The following ATRNL1 variants were observed in gnomAD, a reference collection of about 807,000 sequenced individuals.
ATRNL1 encodes attractin like 1, also known as attractin-like protein 1.
Under a neutral mutation model 182.7 loss-of-function variants are expected in ATRNL1, and 95 were observed. The observed-to-expected ratio is 0.52, with a 90% CI of 0.44 to 0.62. ATRNL1 has a LOEUF of 0.62. ATRNL1 is among the 20% of genes least tolerant of loss of function. The pLI is 0.00. For missense variants in ATRNL1, 1,471 were observed against 1,679.5 expected, an observed-to-expected ratio of 0.88 and a Z score of 2.17; for synonymous variants, 576 against 568.3, an observed-to-expected ratio of 1.01 and a Z score of -0.19.
intron 27 of ATRNL1, among the ~76,000 whole-genome samples, chr10:115,837,861 AG>A (rs1950715293): frequency 6.6e-6 from 1 of 152,200 alleles, no homozygotes; most frequent in Admixed American, 6.5e-5. Flanking sequence ...ACAAAGTGGA[AG>A]GAAGGGAAAG....
intron 10 of ATRNL1, among the ~76,000 whole-genome samples, chr10:115,253,156 A>G (rs1310922043): frequency 6.6e-6 from 1 of 152,192 alleles, no homozygotes; most frequent in Non-Finnish European, 1.5e-5. Flanking sequence ...CTTACAATCA[A>G]TGCCTTTGCA....
intron 5 of ATRNL1, among the ~76,000 whole-genome samples, chr10:115,136,794 A>G (rs1354981486): frequency 1.3e-5 from 2 of 152,216 alleles, no homozygotes; most frequent in African/African-American, 4.8e-5. Flanking sequence ...TCAGCACTGA[A>G]TAATATTCCA....
At chr10:115,780,393 C>T (rs1440447094) in intron 27 of ATRNL1, among the ~76,000 whole-genome samples, 5 of 152,258 alleles carry the variant, frequency 3.3e-5, no homozygotes, top group Admixed American at 6.5e-5. Context: ...GCCGTGAGGA[C>T]GGCAACTCCT....
At chr10:115,678,972 C>T (rs750232624) in intron 26 of ATRNL1, among the ~76,000 whole-genome samples, 3 of 152,084 alleles carry the variant, frequency 2.0e-5, no homozygotes, top group Non-Finnish European at 4.4e-5. Flanking sequence ...ACAGTGTAAA[C>T]CCTCCATTCA....
At chr10:115,127,780 G>GT (rs1294683099) in intron 4 of ATRNL1, 59 bp downstream of exon 4, 424 of 1,201,464 alleles carry the variant, frequency 3.5e-4, no homozygotes, top group Non-Finnish European at 4.0e-4. Flanking sequence ...TGTAAAAGAG[G>GT]TTTTTTTTGT....
chr10:115,879,727 T>A (rs564619149), intron 28 of ATRNL1, among the ~76,000 whole-genome samples: 1 of 149,818 alleles, frequency 6.7e-6, no homozygotes, highest in Non-Finnish European at 1.5e-5. Flanking sequence ...TCACTGTGAG[T>A]TTTTTTTAAG....
chr10:115,544,678 C>T (rs1852545724), intron 25 of ATRNL1, among the ~76,000 whole-genome samples: 1 of 152,176 alleles, frequency 6.6e-6, no homozygotes, highest in African/African-American at 2.4e-5. Flanking sequence ...ACTGGGATTA[C>T]AATTCAACCT....
At chr10:115,237,580 G>GT (rs1554901758) in intron 9 of ATRNL1, among the ~76,000 whole-genome samples, 3 of 152,070 alleles carry the variant, frequency 2.0e-5, no homozygotes, top group African/African-American at 7.2e-5. Flanking sequence ...AATTGAGCTT[G>GT]TTTTTTATTG....
chr10:115,875,804 T>C (rs1555107099), intron 28 of ATRNL1, among the ~76,000 whole-genome samples: 2 of 152,146 alleles, frequency 1.3e-5, no homozygotes, highest in African/African-American at 4.8e-5. Flanking sequence ...TAGTTACAAA[T>C]TGTGATCATT....
chr10:115,625,004 A>G (rs543904760), intron 26 of ATRNL1, among the ~76,000 whole-genome samples: 1 of 152,294 alleles, frequency 6.6e-6, no homozygotes, highest in Non-Finnish European at 1.5e-5. Flanking sequence ...CAAAGCAGGT[A>G]TGGCCTTTAA....
At chr10:115,492,061 T>G (rs1410054471) in intron 24 of ATRNL1, among the ~76,000 whole-genome samples, 4 of 152,106 alleles carry the variant, frequency 2.6e-5, no homozygotes, top group African/African-American at 9.7e-5. Context: ...TCACCCTCTG[T>G]GGGCTGTACC....
chr10:115,824,521 A>C (rs1950380598), intron 27 of ATRNL1, among the ~76,000 whole-genome samples: 1 of 152,154 alleles, frequency 6.6e-6, no homozygotes, highest in Non-Finnish European at 1.5e-5. Flanking sequence ...AATTTTTGCA[A>C]TCTATCCATC....
At chr10:115,574,358 A>G (rs1281903696) in intron 26 of ATRNL1, among the ~76,000 whole-genome samples, 1 of 151,514 alleles carries the variant, frequency 6.6e-6, no homozygotes, top group African/African-American at 2.4e-5. Context: ...ATAAATGTAT[A>G]TATATATACA....
At chr10:115,405,440 G>A (rs927432719) in intron 20 of ATRNL1, among the ~76,000 whole-genome samples, 4 of 152,096 alleles carry the variant, frequency 2.6e-5, no homozygotes, top group African/African-American at 9.7e-5. Context: ...ATGGAAAAAT[G>A]GTAAGTGACT....
At chr10:115,331,025 T>G (rs1371186944) in intron 18 of ATRNL1, among the ~76,000 whole-genome samples, 1 of 151,660 alleles carries the variant, frequency 6.6e-6, no homozygotes, top group East Asian at 2.0e-4. Context: ...AATCAGTGAT[T>G]CTTCTGCTTT....
At chr10:115,543,728 C>T (rs1224356322) in intron 25 of ATRNL1, among the ~76,000 whole-genome samples, 1 of 151,744 alleles carries the variant, frequency 6.6e-6, no homozygotes, top group Non-Finnish European at 1.5e-5. Flanking sequence ...TTTAATTTTC[C>T]CTAAATGAGA....
At chr10:115,401,432 T>C (rs1281366976) in intron 20 of ATRNL1, among the ~76,000 whole-genome samples, 1 of 152,074 alleles carries the variant, frequency 6.6e-6, no homozygotes, top group African/African-American at 2.4e-5. Context: ...ATTCCATTCA[T>C]TCTGGACCCA....
chr10:115,584,051 A>G (rs1167091452), intron 26 of ATRNL1, among the ~76,000 whole-genome samples: 3 of 152,128 alleles, frequency 2.0e-5, no homozygotes, highest in Non-Finnish European at 4.4e-5. Context: ...GCTGGATTAC[A>G]TTTATTGATT....
At chr10:115,646,070 A>ACACACACAG (rs1555032301) in intron 26 of ATRNL1, among the ~76,000 whole-genome samples, 1 of 51,452 alleles carries the variant, frequency 1.9e-5, no homozygotes, top group South Asian at 9.7e-4. Flanking sequence ...CACACACACA[A>ACACACACAG]ACATATATGC....
Sources: gnomAD v4.1 joint callset for allele counts (sites outside exome capture counted in the v4.1 genomes callset) on GRCh38, gnomAD v4.1.1 for gene constraint, MANE v1.5 for transcripts, NCBI Gene and HGNC (gene_info 2026-07-23, HGNC 2026-07-21) for gene names.